The following NTM variants were observed in gnomAD, a reference collection of about 807,000 sequenced individuals.
The protein encoded by NTM is IgLON family member 2.
A neutral mutation model predicts 42.1 loss-of-function variants in NTM; 13 were observed. That is an observed-to-expected ratio of 0.31 (90% CI 0.20 to 0.49). The LOEUF is 0.49. Among genes scored for constraint, NTM ranks in the 20% least tolerant of loss-of-function variants. The pLI, the probability that NTM is intolerant of heterozygous loss-of-function variation, is 0.99. For missense variants in NTM, 373 were observed against 452.8 expected (o/e 0.82, Z 1.60); for synonymous variants, 187 against 179.2 (o/e 1.04, Z -0.35).
intron 1 of NTM, among the ~76,000 whole-genome samples, chr11:131,725,496 G>A (rs1011211312): frequency 1.3e-5 from 2 of 152,048 alleles, no homozygotes; most frequent in Admixed American, 6.5e-5. Context: ...AGGAGGCGAG[G>A]GAATGAGCCA....
intron 2 of NTM, among the ~76,000 whole-genome samples, chr11:132,103,516 C>T (rs1200179711): frequency 6.6e-6 from 1 of 152,114 alleles, no homozygotes; most frequent in African/African-American, 2.4e-5. Context: ...TTATTTAGTG[C>T]AAAACTATTA....
chr11:131,927,531 A>G (rs1592929826), intron 2 of NTM, among the ~76,000 whole-genome samples: 1 of 152,166 alleles, frequency 6.6e-6, no homozygotes, highest in East Asian at 1.9e-4. Context: ...CTTTTCACCT[A>G]AGGCCTATGG....
chr11:132,079,997 A>G (rs2058832707), intron 2 of NTM, among the ~76,000 whole-genome samples: 1 of 152,220 alleles, frequency 6.6e-6, no homozygotes, highest in Non-Finnish European at 1.5e-5. Flanking sequence ...TTAATAAAAA[A>G]CAAATATGGA....
intron 1 of NTM, among the ~76,000 whole-genome samples, chr11:131,481,113 A>G (rs900595747): frequency 6.6e-6 from 1 of 152,194 alleles, no homozygotes; most frequent in Non-Finnish European, 1.5e-5. Flanking sequence ...AGAGAATTTG[A>G]TACTGATGGA....
intron 2 of NTM, among the ~76,000 whole-genome samples, chr11:132,103,514 T>G (rs2061885941): frequency 6.6e-6 from 1 of 152,244 alleles, no homozygotes; most frequent in African/African-American, 2.4e-5. Context: ...TATTATTTAG[T>G]GCAAAACTAT....
At chr11:131,390,138 G>A (rs1230861468) in intron 1 of NTM, among the ~76,000 whole-genome samples, 1 of 152,214 alleles carries the variant, frequency 6.6e-6, no homozygotes, top group Non-Finnish European at 1.5e-5. Context: ...TTTGGGTGAG[G>A]CCTCAGGAAG....
chr11:132,108,881 T>C (rs2062781617), intron 2 of NTM, among the ~76,000 whole-genome samples: 1 of 152,044 alleles, frequency 6.6e-6, no homozygotes, highest in South Asian at 2.1e-4. Context: ...CAGGCCCCAG[T>C]GTGTGATGTT....
intron 1 of NTM, among the ~76,000 whole-genome samples, chr11:131,910,540 G>A (rs1279188386): frequency 6.6e-6 from 1 of 151,210 alleles, no homozygotes; most frequent in Non-Finnish European, 1.5e-5. Flanking sequence ...GCTCCGAGGC[G>A]GCACCGGGAG....
chr11:132,127,122 G>A (rs2065972656), intron 2 of NTM, among the ~76,000 whole-genome samples: 1 of 152,122 alleles, frequency 6.6e-6, no homozygotes, highest in South Asian at 2.1e-4. Context: ...AAGTCCCTGA[G>A]CCTGAGTCTT....
At chr11:131,823,034 T>C (rs2093257536) in intron 1 of NTM, among the ~76,000 whole-genome samples, 1 of 152,194 alleles carries the variant, frequency 6.6e-6, no homozygotes, top group Non-Finnish European at 1.5e-5. Flanking sequence ...TTATCTTTAA[T>C]GATGACAGGC....
chr11:131,660,675 G>T, intron 1 of NTM: 2 of 431,384 alleles, frequency 4.6e-6, no homozygotes, highest in South Asian at 3.4e-5. Context: ...TCCATGAAGC[G>T]GGGACAGAGG....
intron 1 of NTM, among the ~76,000 whole-genome samples, chr11:131,646,113 T>G (rs943184446): frequency 1.3e-5 from 2 of 152,208 alleles, no homozygotes; most frequent in African/African-American, 4.8e-5. Context: ...AAATACGCAA[T>G]TGATCATCTA....
chr11:131,763,289 C>A (rs1037287383), intron 1 of NTM, among the ~76,000 whole-genome samples: 1 of 152,110 alleles, frequency 6.6e-6, no homozygotes, highest in Non-Finnish European at 1.5e-5. Flanking sequence ...ATTATGATAA[C>A]CCAACCAAAG....
At chr11:131,729,158 G>T in intron 1 of NTM, among the ~76,000 whole-genome samples, 1 of 152,066 alleles carries the variant, frequency 6.6e-6, no homozygotes, top group East Asian at 1.9e-4. Context: ...TTTTTTATCT[G>T]CTCAAAGGGA....
intron 1 of NTM, among the ~76,000 whole-genome samples, chr11:131,647,975 A>G (rs908152371): frequency 3.3e-5 from 5 of 152,128 alleles, no homozygotes; most frequent in African/African-American, 4.8e-5. Flanking sequence ...CTAGTACCCA[A>G]TAGTTATTTT....
chr11:132,226,692 G>T (rs1349091535), intron 4 of NTM, among the ~76,000 whole-genome samples: 3 of 152,200 alleles, frequency 2.0e-5, no homozygotes, highest in African/African-American at 7.2e-5. Flanking sequence ...AGGTATGCCA[G>T]TTAGAATACT....
chr11:131,370,979 T>C, intron 1 of NTM, 91 bp downstream of exon 1: 1 of 1,575,090 alleles, frequency 6.3e-7, no homozygotes, highest in Non-Finnish European at 8.6e-7. Context: ...TCGGCTGTGC[T>C]GCGCTGTTTG....
chr11:131,748,763 A>C (rs970171098), intron 1 of NTM, among the ~76,000 whole-genome samples: 1 of 152,238 alleles, frequency 6.6e-6, no homozygotes, highest in Non-Finnish European at 1.5e-5. Flanking sequence ...TCTGCAAAAC[A>C]GATGGGAGGG....
At chr11:132,325,081 A>T (rs929898961) in intron 7 of NTM, among the ~76,000 whole-genome samples, 1 of 152,036 alleles carries the variant, frequency 6.6e-6, no homozygotes, top group African/African-American at 2.4e-5. Context: ...AAGAAAACCT[A>T]GGCATTACCA....
Sources: gnomAD v4.1 joint callset for allele counts (sites outside exome capture counted in the v4.1 genomes callset) on GRCh38, gnomAD v4.1.1 for gene constraint, MANE v1.5 for transcripts, NCBI Gene and HGNC (gene_info 2026-07-23, HGNC 2026-07-21) for gene names.